Variants in PTPN14 observed in about 807,000 individuals in gnomAD.
PTPN14 encodes protein tyrosine phosphatase non-receptor type 14.
PTPN14 carries 53 observed loss-of-function variants against 126.8 expected under a neutral mutation model. The ratio of observed to expected loss-of-function variants is 0.42; its 90% CI spans 0.34 to 0.53. The LOEUF (loss-of-function observed/expected upper bound fraction) is 0.53. Ranked by LOEUF, PTPN14 falls within the 20% of genes least tolerant of loss-of-function variation. The probability of loss-of-function intolerance (pLI) is 0.08; values close to 1 mark genes in which losing one functional copy is unlikely to be tolerated. For missense variants in PTPN14, 1,257 were observed against 1,552.9 expected, an observed-to-expected ratio of 0.81 and a Z score of 3.20; for synonymous variants, 630 against 599.3, an observed-to-expected ratio of 1.05 and a Z score of -0.75.
rs1348635970 is a variant in PTPN14 at position 214,451,896 on chromosome 1, G to A, written c.253C>T (p.His85Tyr). The A allele has an allele frequency of 4.3e-6, 7 of 1,614,078 alleles. No homozygotes were observed. The highest frequency in any genetic ancestry group is 5.9e-6 in the Non-Finnish European group (7 of 1,180,044). The change falls in exon 3 of 19, where the codon CAT becomes TAT. Residue 85 changes from histidine (H) to tyrosine (Y), a missense_variant. His to Tyr is a moderately conservative substitution (Grantham distance 83). Coordinates refer to ENST00000366956, the MANE Select transcript of PTPN14 (RefSeq NM_005401.5). ...GGCTCATTAGCGAATTTGTCCAGAT[G>A]TTTCTTCAGAGGTTTCTCCAGCTCC... ...WVELEKPLKK[H>Y]LDKFANEPLL...
At chr1:214,535,590 C>T (rs749522884) in intron 1 of PTPN14, among the ~76,000 whole-genome samples, 65 of 152,020 alleles carry the variant, frequency 4.3e-4, no homozygotes, top group Non-Finnish European at 7.8e-4. Flanking sequence ...CCAGCCTGGC[C>T]AATATAGTGA....
At chr1:214,548,357 G>A (rs1286991703) in intron 1 of PTPN14, among the ~76,000 whole-genome samples, 4 of 152,162 alleles carry the variant, frequency 2.6e-5, no homozygotes, top group Non-Finnish European at 4.4e-5. Context: ...CAGAGGAAGC[G>A]TAAATTAAAT....
At chr1:214,455,373 C>G (rs1287853748) in intron 2 of PTPN14, among the ~76,000 whole-genome samples, 3 of 152,136 alleles carry the variant, frequency 2.0e-5, no homozygotes, top group African/African-American at 4.8e-5. Flanking sequence ...TCCATGACAC[C>G]AAGAGGATCC....
At chr1:214,455,706 A>G (rs1256553045) in intron 2 of PTPN14, among the ~76,000 whole-genome samples, 1 of 152,144 alleles carries the variant, frequency 6.6e-6, no homozygotes, top group Non-Finnish European at 1.5e-5. Context: ...TTTTTATGTG[A>G]GCAGCTTCCT....
In PTPN14 at chr1:214,495,196, T is replaced by A. The variant is rs549286465; in HGVS notation, c.-154-30239A>T. Among the ~76,000 whole-genome samples the A allele has an allele frequency of 2.6e-5, 4 of 152,282 alleles. No individual in the cohort carries two copies. In the East Asian group the frequency reaches 7.7e-4, roughly 29 times the overall value. Reference sequence around the variant, plus strand: ...GTTTGAATTTCAGCCAACTGTAAAATCTTTGGCATACTATTTAAACTCTCT... The same window carrying A: ...GTTTGAATTTCAGCCAACTGTAAAAACTTTGGCATACTATTTAAACTCTCT... On this transcript the variant is annotated intron_variant, in intron 1 of 18. Coordinates refer to ENST00000366956, the MANE Select transcript of PTPN14 (RefSeq NM_005401.5).
chr1:214,406,791 AGC>A (rs1424655408), intron 5 of PTPN14, among the ~76,000 whole-genome samples: 1 of 152,198 alleles, frequency 6.6e-6, no homozygotes, highest in African/African-American at 2.4e-5. Context: ...AACCTGTCAG[AGC>A]ATTTTACCAT....
At chr1:214,535,287 A>G (rs1655675015) in intron 1 of PTPN14, among the ~76,000 whole-genome samples, 1 of 152,214 alleles carries the variant, frequency 6.6e-6, no homozygotes. Flanking sequence ...TACCATATTC[A>G]TAACAGAAAT....
At chr1:214,520,065 A>AAAATATATATATATATATATATAT in intron 1 of PTPN14, among the ~76,000 whole-genome samples, 4 of 71,110 alleles carry the variant, frequency 5.6e-5, no homozygotes, top group South Asian at 6.5e-4. Context: ...AAAAAAAAAA[A>AAAATATATATATATATATATATAT]ATATATATAT....
intron 3 of PTPN14, among the ~76,000 whole-genome samples, chr1:214,437,056 T>C (rs578135069): frequency 8.5e-5 from 13 of 152,146 alleles, no homozygotes; most frequent in South Asian, 4.1e-4. Flanking sequence ...TAGTTGGTAG[T>C]TGAAATCAAG....
At chr1:214,481,339 T>C (rs576293955) in intron 1 of PTPN14, among the ~76,000 whole-genome samples, 2 of 151,688 alleles carry the variant, frequency 1.3e-5, no homozygotes, top group East Asian at 3.9e-4. Flanking sequence ...AAACCCCATC[T>C]CTACTAAAAA....
intron 16 of PTPN14, among the ~76,000 whole-genome samples, chr1:214,370,805 G>A (rs1274795825): frequency 2.0e-5 from 3 of 152,156 alleles, no homozygotes; most frequent in African/African-American, 7.2e-5. Flanking sequence ...AGTAGGTGGT[G>A]AGAGAGAAGG....
At chr1:214,437,570 T>G (rs1490844134) in intron 3 of PTPN14, among the ~76,000 whole-genome samples, 20 of 152,166 alleles carry the variant, frequency 1.3e-4, no homozygotes, top group Admixed American at 1.3e-3. Flanking sequence ...TTGAACTACC[T>G]AGAAGGCTAA....
At chr1:214,475,639 T>G (rs1204638147) in intron 1 of PTPN14, among the ~76,000 whole-genome samples, 1 of 152,166 alleles carries the variant, frequency 6.6e-6, no homozygotes, top group Non-Finnish European at 1.5e-5. Flanking sequence ...CAGAGCTTAT[T>G]ACACCTAAAA....
chr1:214,539,845 G>A (rs978937253), intron 1 of PTPN14, among the ~76,000 whole-genome samples: 1 of 151,204 alleles, frequency 6.6e-6, no homozygotes, highest in Non-Finnish European at 1.5e-5. Flanking sequence ...ACCTAACCTG[G>A]CACTCAGAAA....
intron 3 of PTPN14, among the ~76,000 whole-genome samples, chr1:214,445,528 T>C (rs1660123504): frequency 1.3e-5 from 2 of 148,296 alleles, no homozygotes; most frequent in Admixed American, 1.4e-4. Flanking sequence ...CAGTGAGTAA[T>C]GCAAAGACAA....
chr1:214,480,194 A>G (rs950598420), intron 1 of PTPN14, among the ~76,000 whole-genome samples: 2 of 152,242 alleles, frequency 1.3e-5, no homozygotes, highest in African/African-American at 4.8e-5. Context: ...CAAAAACTAC[A>G]TATTTTTAGA....
chr1:214,381,751 T>G (rs557615393), intron 13 of PTPN14, among the ~76,000 whole-genome samples: 40 of 152,338 alleles, frequency 2.6e-4, no homozygotes, highest in Non-Finnish European at 5.1e-4. Flanking sequence ...AAGCAAATTT[T>G]AAGTTACAAC....
intron 17 of PTPN14, among the ~76,000 whole-genome samples, chr1:214,365,710 C>T (rs1658064632): frequency 1.3e-5 from 2 of 152,152 alleles, no homozygotes; most frequent in Non-Finnish European, 2.9e-5. Flanking sequence ...CCTTTATAAA[C>T]TTATCTAATT....
chr1:214,532,988 G>A (rs1334733672), intron 1 of PTPN14: 1 of 762,134 alleles, frequency 1.3e-6, no homozygotes, highest in Non-Finnish European at 2.4e-6. Flanking sequence ...GACAAGTGCT[G>A]GTCTGAGCGG....
Sources: allele counts gnomAD v4.1 joint callset (sites outside exome capture counted in the v4.1 genomes callset), GRCh38; gene constraint gnomAD v4.1.1; transcripts MANE v1.5; gene names NCBI Gene and HGNC (gene_info 2026-07-23, HGNC 2026-07-21).